THSD7B: variants seen among roughly 807,000 people sequenced by gnomAD.
THSD7B encodes the protein thrombospondin type 1 domain containing 7B.
In THSD7B, 138 loss-of-function variants were observed where a neutral mutation model predicts 213.6. The ratio of observed to expected loss-of-function variants is 0.65; its 90% CI spans 0.56 to 0.74. The LOEUF (loss-of-function observed/expected upper bound fraction) is 0.74, where lower values mean the gene tolerates loss of function less well. Ranked by LOEUF, THSD7B falls within the 30% of genes least tolerant of loss-of-function variation. THSD7B has a pLI of 0.00. For missense variants in THSD7B, 1,931 were observed against 1,991.5 expected (o/e 0.97, Z 0.58); for synonymous variants, 742 against 687.0 (o/e 1.08, Z -1.25).
At chr2:136,839,503 T>G (rs892247272) in intron 1 of THSD7B, among the ~76,000 whole-genome samples, 2 of 152,244 alleles carry the variant, frequency 1.3e-5, no homozygotes, top group African/African-American at 4.8e-5. Context: ...CTACAAATTC[T>G]GACCTTTAAT....
chr2:137,121,703 G>A (rs944127028), intron 5 of THSD7B, among the ~76,000 whole-genome samples: 3 of 152,124 alleles, frequency 2.0e-5, no homozygotes, highest in African/African-American at 4.8e-5. Context: ...GCCCTTAAAG[G>A]CCATGCTTGA....
intron 1 of THSD7B, among the ~76,000 whole-genome samples, chr2:136,834,618 A>C (rs1205454737): frequency 6.6e-6 from 1 of 152,064 alleles, no homozygotes; most frequent in African/African-American, 2.4e-5. Flanking sequence ...GTATAGTGTT[A>C]GTATCTGTGA....
At chr2:137,168,909 C>T (rs1573864816) in intron 6 of THSD7B, among the ~76,000 whole-genome samples, 1 of 152,230 alleles carries the variant, frequency 6.6e-6, no homozygotes, top group Non-Finnish European at 1.5e-5. Context: ...GTGTATGCAT[C>T]TCCTTTCAAG....
intron 14 of THSD7B, among the ~76,000 whole-genome samples, chr2:137,448,326 A>G (rs923035521): frequency 1.3e-4 from 20 of 152,222 alleles, no homozygotes; most frequent in African/African-American, 4.3e-4. Context: ...AATTGGCAAG[A>G]GAGTGGTTAA....
chr2:136,936,182 G>A (rs116261357), intron 2 of THSD7B, among the ~76,000 whole-genome samples: 1,562 of 152,082 alleles, frequency 0.01, 19 homozygotes, highest in Middle Eastern at 0.027. Flanking sequence ...AGATGTTGGC[G>A]TGGATGTGGT....
intron 14 of THSD7B, among the ~76,000 whole-genome samples, chr2:137,426,350 A>G (rs1415233287): frequency 3.3e-5 from 5 of 152,152 alleles, no homozygotes; most frequent in African/African-American, 1.2e-4. Context: ...ATATGGAACC[A>G]CAAAAGACCT....
intron 1 of THSD7B, among the ~76,000 whole-genome samples, chr2:136,854,353 C>T (rs1683147521): frequency 6.6e-6 from 1 of 152,078 alleles, no homozygotes; most frequent in Non-Finnish European, 1.5e-5. Context: ...ATCTTTTATT[C>T]ATGTTTATAA....
chr2:137,079,992 A>G (rs1005843858), intron 3 of THSD7B, among the ~76,000 whole-genome samples: 1 of 151,776 alleles, frequency 6.6e-6, no homozygotes, highest in Admixed American at 6.6e-5. Flanking sequence ...GGCACGCACC[A>G]CCACTCTCTG....
intron 2 of THSD7B, among the ~76,000 whole-genome samples, chr2:137,035,388 T>A (rs774246449): frequency 1.4e-4 from 22 of 152,056 alleles, no homozygotes; most frequent in Admixed American, 3.9e-4. Flanking sequence ...GAATCTTAAT[T>A]TTTTTTGCTA....
At chr2:137,155,816 G>A (rs1001387622) in intron 5 of THSD7B, 1 of 152,160 alleles carries the variant, frequency 6.6e-6, no homozygotes, top group Admixed American at 6.5e-5. Context: ...AAAGATTCTT[G>A]GATCTGTCAT....
At chr2:137,203,853 C>T (rs1680927908) in intron 7 of THSD7B, among the ~76,000 whole-genome samples, 1 of 152,016 alleles carries the variant, frequency 6.6e-6, no homozygotes, top group Non-Finnish European at 1.5e-5. Context: ...GACACACACA[C>T]ACGTTTGCAT....
chr2:136,768,530 A>G (rs1681449066), intron 1 of THSD7B, among the ~76,000 whole-genome samples: 1 of 152,230 alleles, frequency 6.6e-6, no homozygotes, highest in Admixed American at 6.5e-5. Context: ...TATTTAGTTA[A>G]CTGTGAAAAT....
At chr2:136,800,208 C>T (rs1682150905) in intron 1 of THSD7B, among the ~76,000 whole-genome samples, 1 of 151,928 alleles carries the variant, frequency 6.6e-6, no homozygotes, top group Non-Finnish European at 1.5e-5. Flanking sequence ...AAATAGTTTT[C>T]AACTCCCAGA....
Position 137,677,381 on chromosome 2 carries a change from A to ACTT in THSD7B, c.*777_*779dup, listed in dbSNP as rs1206134681. 2 of 152,452 alleles carry ACTT rather than the reference A, an allele frequency of 1.3e-5. No homozygotes were observed. Among genetic ancestry groups the ACTT allele is most frequent in the East Asian group, 3.9e-4 (2 of 5,184 alleles). The allele number at this position is 152,452 out of a possible 1,614,324, so 9.4% of individuals were successfully genotyped here. On this transcript the variant is annotated 3_prime_UTR_variant, in exon 28 of 28. Transcript: ENST00000409968. ...TTACTAAAACTGTATTTTAACAAAA[A>ACTT]CTTATCCATGTAGATATAGCATTAA...
intron 2 of THSD7B, among the ~76,000 whole-genome samples, chr2:137,012,510 G>A (rs1686250353): frequency 6.6e-6 from 1 of 152,144 alleles, no homozygotes; most frequent in Non-Finnish European, 1.5e-5. Context: ...ACTCTCGAAG[G>A]GAAGTTTAAA....
intron 14 of THSD7B, among the ~76,000 whole-genome samples, chr2:137,439,709 A>G (rs1030773900): frequency 4.6e-5 from 7 of 152,142 alleles, no homozygotes; most frequent in African/African-American, 1.7e-4. Context: ...TGTACTGTGA[A>G]TTCATTCTTG....
At chr2:137,662,062 C>CTTTTTT (rs778872364) in intron 25 of THSD7B, among the ~76,000 whole-genome samples, 1 of 132,658 alleles carries the variant, frequency 7.5e-6, no homozygotes. Context: ...TTTCTTTTTT[C>CTTTTTT]TTTTTTTTTT....
Position 137,134,239 on chromosome 2 carries a change from G to A in THSD7B, c.1369+18946G>A, listed in dbSNP as rs553942700. 2.8e-4 allele frequency among the ~76,000 whole-genome samples: 42 copies of A among 152,238 alleles called. 1 individual carries two copies. The highest frequency in any genetic ancestry group is 4.6e-4 in the Non-Finnish European group (31 of 68,024). Reference sequence around the variant, plus strand: ...ATTTTTGCAGCCCATGCTCTTACCCGCTGTTTCAGAGCAGAGGGCCCTCTG... The same window carrying A: ...ATTTTTGCAGCCCATGCTCTTACCCACTGTTTCAGAGCAGAGGGCCCTCTG... On this transcript the variant is annotated intron_variant, in intron 5 of 27. Transcript: ENST00000409968.
intron 2 of THSD7B, among the ~76,000 whole-genome samples, chr2:136,998,261 C>CAAAAAAAAA (rs33931359): frequency 1.3e-4 from 13 of 98,392 alleles, no homozygotes; most frequent in South Asian, 3.5e-4. Flanking sequence ...ACTAAAAGGC[C>CAAAAAAAAA]AAAAAAAAAA....
Sources: gnomAD v4.1 joint callset for allele counts (sites outside exome capture counted in the v4.1 genomes callset) on GRCh38, gnomAD v4.1.1 for gene constraint, MANE v1.5 for transcripts, NCBI Gene and HGNC (gene_info 2026-07-23, HGNC 2026-07-21) for gene names.